The following ADAMTS17 variants were observed in gnomAD, a reference collection of about 807,000 sequenced individuals.
ADAMTS17 encodes the protein ADAM metallopeptidase with thrombospondin type 1 motif 17, also known as A disintegrin and metalloproteinase with thrombospondin motifs 17.
Under a neutral mutation model 141.5 loss-of-function variants are expected in ADAMTS17, and 113 were observed. The ratio of observed to expected loss-of-function variants is 0.80; its 90% confidence interval spans 0.69 to 0.93. ADAMTS17 has a LOEUF of 0.93. ADAMTS17 is among the 40% of genes least tolerant of loss of function. The pLI, the probability that ADAMTS17 is intolerant of heterozygous loss-of-function variation, is 0.00. For missense variants in ADAMTS17, 1,659 were observed against 1,517.9 expected, an observed-to-expected ratio of 1.09 and a Z score of -1.54; for synonymous variants, 768 against 630.6, an observed-to-expected ratio of 1.22 and a Z score of -3.27.
intron 3 of ADAMTS17, among the ~76,000 whole-genome samples, chr15:100,318,733 C>T (rs912882109): frequency 4.6e-5 from 7 of 152,194 alleles, no homozygotes; most frequent in African/African-American, 9.7e-5. Context: ...AGAAATCTCA[C>T]GCCTGTAAGT....
intron 15 of ADAMTS17, among the ~76,000 whole-genome samples, chr15:100,074,659 C>T (rs1323978876): frequency 6.6e-6 from 1 of 151,982 alleles, no homozygotes; most frequent in African/African-American, 2.4e-5. Flanking sequence ...AAAATTATTC[C>T]TAAGAATGCT....
At chr15:100,324,336 T>C (rs1032434669) in intron 3 of ADAMTS17, among the ~76,000 whole-genome samples, 13 of 152,134 alleles carry the variant, frequency 8.5e-5, no homozygotes, top group African/African-American at 3.1e-4. Flanking sequence ...AAAAAAGCTC[T>C]GAAGCAAATC....
At chr15:100,297,491 T>C (rs569481042) in intron 3 of ADAMTS17, among the ~76,000 whole-genome samples, 13 of 151,832 alleles carry the variant, frequency 8.6e-5, no homozygotes, top group East Asian at 1.9e-4. Context: ...AAGAAGCAAA[T>C]AGATTCAGGA....
At chr15:100,201,383 C>G (rs2041327031) in intron 7 of ADAMTS17, among the ~76,000 whole-genome samples, 1 of 152,198 alleles carries the variant, frequency 6.6e-6, no homozygotes, top group African/African-American at 2.4e-5. Context: ...TTCCCTTTCC[C>G]CTTCAGCCAT....
intron 11 of ADAMTS17, 86 bp from the exon 12 acceptor site, chr15:100,132,238 C>T: frequency 6.5e-7 from 1 of 1,527,992 alleles, no homozygotes; most frequent in Non-Finnish European, 8.8e-7. Context: ...GCCGTGCTGC[C>T]AAAAACCCAT....
intron 14 of ADAMTS17, among the ~76,000 whole-genome samples, chr15:100,097,862 C>T (rs1236831846): frequency 1.4e-4 from 21 of 152,202 alleles, no homozygotes; most frequent in Admixed American, 1.4e-3. Context: ...CCTCAGGTCT[C>T]ATCCTCGGAG....
At chr15:100,076,150 C>G (rs999480666) in intron 15 of ADAMTS17, among the ~76,000 whole-genome samples, 6 of 152,176 alleles carry the variant, frequency 3.9e-5, no homozygotes, top group Admixed American at 2.6e-4. Flanking sequence ...TCAAGCAATT[C>G]TCCTACCTCA....
intron 19 of ADAMTS17, among the ~76,000 whole-genome samples, chr15:99,994,245 C>T (rs187858662): frequency 1.3e-5 from 2 of 152,124 alleles, no homozygotes; most frequent in East Asian, 3.9e-4. Context: ...TCTGCTAAGG[C>T]GGTTTCATAC....
In ADAMTS17 at chr15:99,973,708, C is replaced by T. The variant is rs559221137; in HGVS notation, c.*694G>A. 1.9e-5 allele frequency: 3 copies of T among 156,412 alleles called. No homozygotes were observed. The highest frequency in any genetic ancestry group is 4.8e-5 in the African/African-American group (2 of 41,462). 9.7% of individuals were successfully genotyped at this position (156,412 alleles called of 1,614,324 possible). A position where few individuals can be genotyped will look rare whatever the true frequency, so the allele number is the denominator to read the frequency against. On this transcript the variant is annotated 3_prime_UTR_variant, in exon 22 of 22. Transcript: ENST00000268070. ...TTAGATGCTTCCCCAAACCCAGACT[C>T]TCTTGGAACATTCTTCCCATGCGGG...
intron 14 of ADAMTS17, among the ~76,000 whole-genome samples, chr15:100,106,000 TG>T (rs2036392884): frequency 7.4e-6 from 1 of 135,570 alleles, no homozygotes; most frequent in African/African-American, 2.6e-5. Flanking sequence ...CTCAAGAAAA[TG>T]ATTTTTTTTT....
chr15:100,143,749 C>A (rs1287956047), intron 10 of ADAMTS17, among the ~76,000 whole-genome samples: 1 of 152,156 alleles, frequency 6.6e-6, no homozygotes, highest in Non-Finnish European at 1.5e-5. Context: ...TTTCTCAGTT[C>A]TCCGGTATGC....
intron 10 of ADAMTS17, among the ~76,000 whole-genome samples, chr15:100,151,974 G>C (rs1327452829): frequency 6.6e-6 from 1 of 152,162 alleles, no homozygotes; most frequent in East Asian, 1.9e-4. Flanking sequence ...CTTTTTCAAT[G>C]TTTGCTTACT....
rs148254604 is a variant in ADAMTS17 at position 100,172,385 on chromosome 15, G to T, written c.1182-17065C>A. Among the ~76,000 whole-genome samples, 18 of 152,228 alleles carry T rather than the reference G, an allele frequency of 1.2e-4. 1 individual carries two copies. The East Asian group carries it at 2.7e-3, about 23-fold the overall frequency. Reference sequence around the variant, plus strand: ...AGTACGTTAATATGTTCAGTTCTTTGTCCTCCATTTTAAAGTTTAACTTCC... The same window carrying T: ...AGTACGTTAATATGTTCAGTTCTTTTTCCTCCATTTTAAAGTTTAACTTCC... On this transcript the variant is annotated intron_variant, in intron 8 of 21. Coordinates refer to ENST00000268070, the MANE Select transcript of ADAMTS17 (RefSeq NM_139057.4).
At chr15:100,109,824 A>G (rs6598302) in intron 13 of ADAMTS17, among the ~76,000 whole-genome samples, 61,414 of 151,882 alleles carry the variant, frequency 0.4, 14,731 homozygotes, top group African/African-American at 0.68. Flanking sequence ...AATCCCTCGC[A>G]GCACTTTGCC....
intron 15 of ADAMTS17, among the ~76,000 whole-genome samples, chr15:100,091,028 A>AAAAAAAAAAAAAAAG (rs369355348): frequency 2.6e-4 from 38 of 143,632 alleles, no homozygotes; most frequent in East Asian, 8.2e-4. Flanking sequence ...AAAAAAAAAA[A>AAAAAAAAAAAAAAAG]GGGTAACCAA....
intron 18 of ADAMTS17, among the ~76,000 whole-genome samples, chr15:100,023,628 G>A (rs28500787): frequency 0.025 from 3,787 of 152,274 alleles, 154 homozygotes; most frequent in African/African-American, 0.088. Context: ...ACATCTTGCT[G>A]TGGATGGTCC....
chr15:100,171,439 C>G (rs1307776523), intron 8 of ADAMTS17, among the ~76,000 whole-genome samples: 1 of 152,166 alleles, frequency 6.6e-6, no homozygotes, highest in African/African-American at 2.4e-5. Context: ...ATGCATGTCA[C>G]AGGTTAGGGG....
chr15:100,060,612 C>G (rs1301324408), intron 15 of ADAMTS17, among the ~76,000 whole-genome samples: 1 of 152,226 alleles, frequency 6.6e-6, no homozygotes, highest in Non-Finnish European at 1.5e-5. Context: ...CTTTTAGTCT[C>G]TCTCCGTCCT....
chr15:100,208,938 G>A (rs1194885031), intron 7 of ADAMTS17, among the ~76,000 whole-genome samples: 2 of 152,002 alleles, frequency 1.3e-5, no homozygotes, highest in African/African-American at 4.8e-5. Context: ...GTATTTCTCG[G>A]ACCATATGAG....
Sources: gnomAD v4.1 joint callset for allele counts (sites outside exome capture counted in the v4.1 genomes callset) on GRCh38, gnomAD v4.1.1 for gene constraint, MANE v1.5 for transcripts, NCBI Gene and HGNC (gene_info 2026-07-23, HGNC 2026-07-21) for gene names.